STK33: variants seen among roughly 807,000 people sequenced by gnomAD.
The protein encoded by STK33 is serine/threonine-protein kinase 33.
In STK33, 52 loss-of-function variants were observed where a neutral mutation model predicts 58.0. That is an observed-to-expected ratio of 0.90 (90% confidence interval 0.72 to 1.13). STK33 has a LOEUF of 1.13. STK33 is among the 50% of genes most tolerant of loss of function. The pLI, the probability that STK33 is intolerant of heterozygous loss-of-function variation, is 0.00. For missense variants in STK33, 630 were observed against 604.2 expected (o/e 1.04, Z -0.45); for synonymous variants, 215 against 200.1 (o/e 1.07, Z -0.63).
At position 8,392,424 on chromosome 11, in the gene STK33, G is replaced by GTA. The variant is rs1848692918; in HGVS notation, c.*85_*86insTA. On this transcript the variant is annotated 3_prime_UTR_variant, in exon 16 of 16. Transcript: ENST00000687296. ...GCTAAAAGGCTACAAGCTCAGCATAGGGCTGTCTTCTTCCCCTCCTACCCC... is the reference window on the plus strand; with the variant it reads ...GCTAAAAGGCTACAAGCTCAGCATAGTAGGCTGTCTTCTTCCCCTCCTACCCC... The GTA allele has an allele frequency of 3.9e-5, 58 of 1,484,966 alleles. No homozygotes were observed. Among genetic ancestry groups the GTA allele is most frequent in the Non-Finnish European group, 4.9e-5 (53 of 1,072,240 alleles). The allele number at this position is 1,484,966 out of a possible 1,614,324, so 92.0% of individuals were successfully genotyped here. A position where few individuals can be genotyped will look rare whatever the true frequency, so the allele number is the denominator to read the frequency against.
chr11:8,550,033 A>G (rs1387116138), intron 1 of STK33, among the ~76,000 whole-genome samples: 2 of 152,208 alleles, frequency 1.3e-5, no homozygotes, highest in Non-Finnish European at 2.9e-5. Flanking sequence ...TTGTATTTCC[A>G]TAATTACAAA....
At chr11:8,416,867 G>A (rs1394142250) in intron 14 of STK33, among the ~76,000 whole-genome samples, 1 of 152,162 alleles carries the variant, frequency 6.6e-6, no homozygotes, top group Non-Finnish European at 1.5e-5. Flanking sequence ...GGACTAGGTG[G>A]TATAGAGTCC....
At chr11:8,352,997 C>T in the STK33 span, among the ~76,000 whole-genome samples, 1 of 152,198 alleles carries the variant, frequency 6.6e-6, no homozygotes, top group Non-Finnish European at 1.5e-5. Context: ...CGGCCCTGGC[C>T]CCGCGTGCTG....
chr11:8,574,642 C>T (rs1234649608), intron 1 of STK33, among the ~76,000 whole-genome samples: 1 of 151,962 alleles, frequency 6.6e-6, no homozygotes, highest in Non-Finnish European at 1.5e-5. Context: ...CAAAACCAAA[C>T]AAAGACACTG....
At chr11:8,394,464 T>C (rs1217469247) in intron 15 of STK33, among the ~76,000 whole-genome samples, 1 of 152,244 alleles carries the variant, frequency 6.6e-6, no homozygotes, top group East Asian at 1.9e-4. Flanking sequence ...ACATGTCCAC[T>C]ACAACTAATA....
At chr11:8,376,621 A>C in the STK33 span, among the ~76,000 whole-genome samples, 1 of 151,788 alleles carries the variant, frequency 6.6e-6, no homozygotes, top group East Asian at 1.9e-4. Context: ...AGCTCACTGC[A>C]ACTTCTGCCT....
At chr11:8,493,514 A>C (rs1950807361) in intron 1 of STK33, among the ~76,000 whole-genome samples, 1 of 152,170 alleles carries the variant, frequency 6.6e-6, no homozygotes, top group Non-Finnish European at 1.5e-5. Context: ...ATTCTACCAG[A>C]GGTATGAACA....
At chr11:8,518,246 T>C (rs1953008700) in intron 1 of STK33, among the ~76,000 whole-genome samples, 2 of 152,094 alleles carry the variant, frequency 1.3e-5, no homozygotes. Context: ...AAACTAAGCT[T>C]CATAAGTGAA....
At chr11:8,489,280 AAAAG>A (rs1460117853) in intron 1 of STK33, among the ~76,000 whole-genome samples, 3 of 150,986 alleles carry the variant, frequency 2.0e-5, no homozygotes, top group Admixed American at 6.6e-5. Context: ...AAGAAAAAAA[AAAAG>A]AAAGAAAAGA....
At chr11:8,428,602 G>A (rs1319444145) in intron 14 of STK33, among the ~76,000 whole-genome samples, 8 of 152,166 alleles carry the variant, frequency 5.3e-5, no homozygotes, top group African/African-American at 1.9e-4. Flanking sequence ...TCAAACAGCT[G>A]TGATGAACTG....
intron 6 of STK33, among the ~76,000 whole-genome samples, chr11:8,471,706 T>C (rs1035283847): frequency 6.6e-6 from 1 of 152,162 alleles, no homozygotes; most frequent in Non-Finnish European, 1.5e-5. Flanking sequence ...CTTTAAAATA[T>C]GTATATATAT....
chr11:8,526,060 G>A (rs1245164886), intron 1 of STK33, among the ~76,000 whole-genome samples: 1 of 152,080 alleles, frequency 6.6e-6, no homozygotes, highest in Non-Finnish European at 1.5e-5. Context: ...AGCAAATGTT[G>A]GCAAAGAAGC....
At chr11:8,578,397 C>A (rs1328544100) in intron 1 of STK33, among the ~76,000 whole-genome samples, 1 of 151,990 alleles carries the variant, frequency 6.6e-6, no homozygotes, top group Non-Finnish European at 1.5e-5. Flanking sequence ...AGTTGTGGTA[C>A]ATCCATTCAG....
the STK33 span, among the ~76,000 whole-genome samples, chr11:8,371,138 C>G: frequency 3.3e-5 from 5 of 152,248 alleles, no homozygotes; most frequent in Admixed American, 6.5e-5. Flanking sequence ...AATTCATGTC[C>G]ATTTGGAGCC....
At chr11:8,552,748 C>T (rs1414199284) in intron 1 of STK33, among the ~76,000 whole-genome samples, 1 of 152,100 alleles carries the variant, frequency 6.6e-6, no homozygotes, top group Admixed American at 6.6e-5. Context: ...GAGCTGTCAT[C>T]TCCTATGATA....
At chr11:8,364,499 T>C in the STK33 span, among the ~76,000 whole-genome samples, 4 of 152,192 alleles carry the variant, frequency 2.6e-5, no homozygotes, top group Admixed American at 6.5e-5. Flanking sequence ...TGGTCATTGA[T>C]CATGATATGT....
At chr11:8,546,464 T>A (rs1955919396) in intron 1 of STK33, among the ~76,000 whole-genome samples, 2 of 152,244 alleles carry the variant, frequency 1.3e-5, no homozygotes. Flanking sequence ...TTTTGTCTTC[T>A]AGCTATTTTG....
the STK33 span, among the ~76,000 whole-genome samples, chr11:8,373,290 A>AT: frequency 6.6e-6 from 1 of 152,190 alleles, no homozygotes; most frequent in African/African-American, 2.4e-5. Flanking sequence ...CCCAGACTCA[A>AT]GGGGTTGGGG....
chr11:8,338,933 C>G, the STK33 span, among the ~76,000 whole-genome samples: 1 of 152,178 alleles, frequency 6.6e-6, no homozygotes, highest in Non-Finnish European at 1.5e-5. Flanking sequence ...GACCGACTGA[C>G]TGACTGACTG....
Sources: gnomAD v4.1 joint callset for allele counts (sites outside exome capture counted in the v4.1 genomes callset) on GRCh38, gnomAD v4.1.1 for gene constraint, MANE v1.5 for transcripts, NCBI Gene and HGNC (gene_info 2026-07-23, HGNC 2026-07-21) for gene names.